The following THOC7 variants were observed in gnomAD, a reference collection of about 807,000 sequenced individuals.
The protein encoded by THOC7 is NIF3L1-binding protein 1.
THOC7 carries 22 observed loss-of-function variants against 33.1 expected under a neutral mutation model. The observed-to-expected ratio is 0.66, with a 90% CI of 0.47 to 0.95. The LOEUF is 0.95. Ranked by LOEUF, THOC7 falls within the 40% of genes least tolerant of loss-of-function variation. The pLI is 0.00. For synonymous variants in THOC7, 77 were observed against 76.8 expected, an observed-to-expected ratio of 1.00 and a Z score of -0.01; for missense variants, 184 against 245.3, an observed-to-expected ratio of 0.75 and a Z score of 1.67.
intron 1 of THOC7, chr3:63,860,662 CTT>C (rs1220945780): frequency 6.6e-6 from 1 of 152,186 alleles, no homozygotes; most frequent in African/African-American, 2.4e-5. Context: ...ATGTACTAGA[CTT>C]TATCCTCCTG....
rs1390548298 is a variant in THOC7 at position 63,835,211 on chromosome 3, G to A, written c.490C>T (p.Arg164Trp). 2 of 1,613,410 alleles carry A rather than the reference G, an allele frequency of 1.2e-6. No homozygotes were observed. Among genetic ancestry groups the A allele is most frequent in the Non-Finnish European group, 1.7e-6 (2 of 1,179,752 alleles). The change falls in exon 7 of 8, where the codon CGG (arginine) becomes TGG (tryptophan). Residue 164 changes from arginine to tryptophan, a missense_variant. Arg to Trp is a moderately radical substitution (Grantham distance 101). Transcript: ENST00000295899. Reference protein sequence around the residue: ...ESVEDKLELRRKQFHVLLSTI... With the variant: ...ESVEDKLELRWKQFHVLLSTI... ...CTAAGAAGAACATGAAACTGTTTCC[G>A]TCTCAATTCCAGCTGTGTTAACAAG...
intron 1 of THOC7, among the ~76,000 whole-genome samples, chr3:63,858,455 C>G (rs1041156014): frequency 1.3e-5 from 2 of 151,758 alleles, no homozygotes; most frequent in African/African-American, 4.8e-5. Context: ...TTACATTTTT[C>G]TAAGTTAAAA....
chr3:63,834,146 C>T lies in THOC7; in HGVS notation c.601G>A (p.Asp201Asn). The change falls in exon 8 of 8, where the codon GAT becomes AAT. Residue 201 changes from aspartate to asparagine, a missense_variant. Around this residue, in one of 3 missense-constraint regions of THOC7, gnomAD observed 25 missense variants for 26.5 expected, o/e 0.94. Coordinates refer to ENST00000295899, the MANE Select transcript of THOC7 (RefSeq NM_025075.4). ...AATTAGCCTGTCTATGGCTTAGGAT[C>T]TGTTTCCATGCTTGCTTCCTGAGCT... The part of the protein sequence containing the change: ...EEAQEASMET[D>N]PKP The T allele has an allele frequency of 6.2e-7, 1 of 1,614,110 alleles. No homozygotes were observed. The highest frequency in any genetic ancestry group is 1.1e-5 in the South Asian group (1 of 91,082).
intron 1 of THOC7, among the ~76,000 whole-genome samples, chr3:63,857,852 G>A (rs1317288965): frequency 6.6e-6 from 1 of 152,172 alleles, no homozygotes. Context: ...AATGTTTAGA[G>A]TAGTATAGTG....
chr3:63,843,445 G>GGGCCGGGCGCGGTGGCT (rs1701812447), intron 1 of THOC7, among the ~76,000 whole-genome samples: 1 of 152,062 alleles, frequency 6.6e-6, no homozygotes, highest in African/African-American at 2.4e-5. Context: ...ATTAAAAATG[G>GGGCCGGGCGCGGTGGCT]AACTACCATA....
Position 63,836,358 on chromosome 3 carries a change from T to C in THOC7, c.353A>G (p.Glu118Gly). 2 of 1,611,990 alleles carry C rather than the reference T, an allele frequency of 1.2e-6. No individual in the cohort carries two copies. The highest frequency in any genetic ancestry group is 1.7e-6 in the Non-Finnish European group (2 of 1,178,792). ...AATCACTTTTGCCAAAGCATCATATTCTGTAAGACATAAAAATATTTATCA... is the reference window on the plus strand; with the variant it reads ...AATCACTTTTGCCAAAGCATCATATCCTGTAAGACATAAAAATATTTATCA... ...QAKRIRKNRQ[E>G]YDALAKVIQH... is the part of the protein sequence containing the mutation. Residue 118 changes from glutamate (E) to glycine (G), a missense_variant and splice_region_variant, in exon 5 of 8, where the codon GAA becomes GGA. Around this residue, in one of 3 missense-constraint regions of THOC7, gnomAD observed 157 missense variants for 201.3 expected, o/e 0.78. Transcript: ENST00000295899.
At chr3:63,857,278 G>A (rs529829777) in intron 1 of THOC7, among the ~76,000 whole-genome samples, 10 of 152,280 alleles carry the variant, frequency 6.6e-5, no homozygotes, top group African/African-American at 2.2e-4. Flanking sequence ...TTATGAAGTA[G>A]TAACAGTGGT....
chr3:63,849,211 A>G (rs2107148830), intron 1 of THOC7, among the ~76,000 whole-genome samples: 1 of 152,314 alleles, frequency 6.6e-6, no homozygotes, highest in South Asian at 2.1e-4. Flanking sequence ...ACATGGTGAA[A>G]CCCTGTCTCT....
In THOC7 at chr3:63,833,922, TAAG is replaced by T; in HGVS notation, c.*207_*209del. ...TTTTTGGATGTTGCTTCCTACCACTTAAGAATAAAAAATGCATTTTAATAAAAA... is the reference window on the plus strand; with the variant it reads ...TTTTTGGATGTTGCTTCCTACCACTTAATAAAAAATGCATTTTAATAAAAA... On this transcript the variant is annotated 3_prime_UTR_variant, in exon 8 of 8. Transcript: ENST00000295899. 2.1e-6 allele frequency: 1 copy of T among 474,840 alleles called. No homozygotes were observed. The highest frequency in any genetic ancestry group is 3.5e-5 in the East Asian group (1 of 28,828). 29.4% of individuals were successfully genotyped at this position (474,840 alleles called of 1,614,324 possible). A position where few individuals can be genotyped will look rare whatever the true frequency, so the allele number is the denominator to read the frequency against.
At chr3:63,835,898 A>G (rs982687412) in intron 5 of THOC7, among the ~76,000 whole-genome samples, 16 of 152,116 alleles carry the variant, frequency 1.1e-4, no homozygotes, top group Admixed American at 1.0e-3. Context: ...AGGGGGTTCT[A>G]ACTTTTATAA....
At chr3:63,838,806 T>C (rs1701692318) in intron 2 of THOC7, among the ~76,000 whole-genome samples, 1 of 152,250 alleles carries the variant, frequency 6.6e-6, no homozygotes, top group South Asian at 2.1e-4. Context: ...TTTTTTTAAC[T>C]TCACAATTCT....
At chr3:63,856,837 C>A (rs956946889) in intron 1 of THOC7, among the ~76,000 whole-genome samples, 1 of 152,100 alleles carries the variant, frequency 6.6e-6, no homozygotes, top group African/African-American at 2.4e-5. Flanking sequence ...ACTGCCTCAG[C>A]CTCCCAAGTA....
At chr3:63,845,097 C>A (rs1173790715) in intron 1 of THOC7, 5 of 692,966 alleles carry the variant, frequency 7.2e-6, no homozygotes, top group Non-Finnish European at 1.1e-5. Flanking sequence ...TGCTAACCTT[C>A]TTTTCTGGGG....
At chr3:63,856,970 G>A (rs986707844) in intron 1 of THOC7, among the ~76,000 whole-genome samples, 7 of 152,062 alleles carry the variant, frequency 4.6e-5, no homozygotes, top group African/African-American at 4.8e-5. Context: ...TACCCGCCTC[G>A]GCCTCCCCAA....
intron 1 of THOC7, among the ~76,000 whole-genome samples, chr3:63,855,974 C>G (rs1029272164): frequency 2.6e-5 from 4 of 152,224 alleles, no homozygotes; most frequent in African/African-American, 9.6e-5. Context: ...ATTAAAGACA[C>G]ATATACCTTT....
intron 1 of THOC7, among the ~76,000 whole-genome samples, chr3:63,856,234 C>T (rs964986379): frequency 6.6e-6 from 1 of 151,004 alleles, no homozygotes; most frequent in Non-Finnish European, 1.5e-5. Context: ...GAGATGGTTA[C>T]GAGAGGCTGG....
chr3:63,860,186 A>C (rs1244195898), intron 1 of THOC7, among the ~76,000 whole-genome samples: 2 of 152,048 alleles, frequency 1.3e-5, no homozygotes, highest in Admixed American at 1.3e-4. Flanking sequence ...CTACAGGTGC[A>C]CACCACCACA....
upstream of THOC7, chr3:63,864,457 C>G (rs868027780): frequency 6.6e-6 from 1 of 151,960 alleles, no homozygotes; most frequent in Non-Finnish European, 1.5e-5. Context: ...CCGGCACTTG[C>G]GCGGGGCGCG....
intron 1 of THOC7, among the ~76,000 whole-genome samples, chr3:63,840,212 T>C (rs750026982): frequency 3.7e-4 from 57 of 152,144 alleles, no homozygotes; most frequent in Non-Finnish European, 5.9e-4. Context: ...TGTTAATGTC[T>C]CTGGCTGTTG....
Sources: gnomAD v4.1 joint callset for allele counts (sites outside exome capture counted in the v4.1 genomes callset) on GRCh38, gnomAD v4.1.1 for gene constraint, gnomAD v4.1.1 regional missense constraint, MANE v1.5 for transcripts, NCBI Gene and HGNC (gene_info 2026-07-23, HGNC 2026-07-21) for gene names.